Variants in CDC25B observed in about 807,000 individuals in gnomAD.
CDC25B encodes the protein cell division cycle 25B.
A neutral mutation model predicts 69.8 loss-of-function variants in CDC25B; 33 were observed. The ratio of observed to expected loss-of-function variants is 0.47; its 90% CI spans 0.36 to 0.63. The LOEUF is 0.63. CDC25B is among the 30% of genes least tolerant of loss of function. The probability of loss-of-function intolerance (pLI) is 0.00; values close to 1 mark genes in which losing one functional copy is unlikely to be tolerated. For synonymous variants in CDC25B, 341 were observed against 314.6 expected, an observed-to-expected ratio of 1.08 and a Z score of -0.89; for missense variants, 727 against 809.1, an observed-to-expected ratio of 0.90 and a Z score of 1.23.
In CDC25B at chr20:3,801,327, C is replaced by T; in HGVS notation, c.779C>T (p.Pro260Leu). ...GCCCTAGGTCGCTTCTCTCTGACCC[C>T]TGCAGAGGGGGATACTGAGGAAGAT... is the stretch of plus-strand genomic sequence containing the variant. The part of the protein sequence containing the change: ...PLALGRFSLT[P>L]AEGDTEEDDG... Residue 260 changes from proline (P) to leucine (L), a missense_variant, in exon 8 of 16, where the codon CCT (proline) becomes CTT (leucine). By Grantham distance (98) the Pro-to-Leu change is moderately conservative (BLOSUM62 -3). This residue lies in a region of CDC25B where 359 missense variants were observed against 463.4 expected (regional missense o/e 0.77). Coordinates refer to ENST00000245960, the MANE Select transcript of CDC25B (RefSeq NM_021873.4). The T allele has an allele frequency of 6.2e-7, 1 of 1,614,096 alleles. No homozygotes were observed. Among genetic ancestry groups the T allele is most frequent in the East Asian group, 2.2e-5 (1 of 44,888 alleles).
At chr20:3,801,425 A>T in intron 8 of CDC25B, 37 bp downstream of exon 8, 6 of 1,557,570 alleles carry the variant, frequency 3.9e-6, no homozygotes, top group Non-Finnish European at 5.2e-6. Flanking sequence ...CTACCTTCCT[A>T]TCCCTGGGTT....
intron 5 of CDC25B, 50 bp downstream of exon 5, chr20:3,800,548 G>T: frequency 6.2e-7 from 1 of 1,605,394 alleles, no homozygotes; most frequent in South Asian, 1.1e-5. Flanking sequence ...AGCCAGGCAT[G>T]GGGTAGATGA....
At chr20:3,790,539 G>A (rs970038489) in intron 1 of CDC25B, among the ~76,000 whole-genome samples, 4 of 149,740 alleles carry the variant, frequency 2.7e-5, no homozygotes, top group Non-Finnish European at 4.4e-5. Context: ...TTAACATCTC[G>A]GGCTGGGCAC....
upstream of CDC25B, chr20:3,796,175 C>G: frequency 8.6e-7 from 1 of 1,156,336 alleles, no homozygotes; most frequent in Non-Finnish European, 1.1e-6. Flanking sequence ...GAAATCCAGC[C>G]TCCGCGCCTC....
chr20:3,794,475 T>A (rs1229085520), upstream of CDC25B, among the ~76,000 whole-genome samples: 1 of 147,562 alleles, frequency 6.8e-6, no homozygotes, highest in African/African-American at 2.5e-5. Context: ...GTGGGGGGGA[T>A]ACCTGTTGTG....
chr20:3,792,931 A>G (rs926736239), upstream of CDC25B, among the ~76,000 whole-genome samples: 1 of 152,266 alleles, frequency 6.6e-6, no homozygotes, highest in African/African-American at 2.4e-5. Flanking sequence ...GGTGTGAGCC[A>G]CAGTGCCAGC....
chr20:3,797,833 A>G, intron 2 of CDC25B, 84 bp downstream of exon 2: 1 of 1,536,198 alleles, frequency 6.5e-7, no homozygotes, highest in Non-Finnish European at 8.9e-7. Flanking sequence ...TTCCCTGCCG[A>G]TCAAACTAAC....
At position 3,803,517 on chromosome 20, in the gene CDC25B, A is replaced by T. The variant is rs1294576063; in HGVS notation, c.1470A>T (p.Ser490=). ...TCCTCATTTTCCACTGTGAATTCTC[A>T]TCTGAGCGTGGGCCCCGCATGTGAG... The part of the protein sequence containing the change: ...RVILIFHCEF[S]SERGPRMCRF... Residue 490 remains serine, a synonymous_variant, in exon 14 of 16, where the codon TCA becomes TCT. Coordinates refer to ENST00000245960, the MANE Select transcript of CDC25B (RefSeq NM_021873.4). The surrounding 1 kb of genome is among the most constrained non-coding windows in gnomAD (Gnocchi z 4.9). 1 of 1,612,014 alleles carries T rather than the reference A, an allele frequency of 6.2e-7. No individual in the cohort carries two copies. The highest frequency in any genetic ancestry group is 2.2e-5 in the East Asian group (1 of 44,808).
At position 3,796,418 on chromosome 20, in the gene CDC25B, T is replaced by TCCCCCCCCCCCCCCCCC. The variant is rs1217802585; in HGVS notation, c.-102_-101insCCCCCCCCCCCCCCCCC. 6 of 152,060 alleles carry TCCCCCCCCCCCCCCCCC rather than the reference T, an allele frequency of 3.9e-5. No homozygotes were observed. The highest frequency in any genetic ancestry group is 4.6e-4 in the Admixed American group (1 of 2,162). 9.4% of individuals were successfully genotyped at this position (152,060 alleles called of 1,614,324 possible). On this transcript the variant is annotated 5_prime_UTR_variant, in exon 1 of 16. Transcript: ENST00000245960. ...CTGTGGCTCTTCCTCCCTCCCTCCT[T>TCCCCCCCCCCCCCCCCC]CCCCCCCCCCCCACCCCTCGCCCGC... is the stretch of plus-strand genomic sequence containing the variant.
In CDC25B at chr20:3,787,887, C is replaced by A. The variant is rs545253451; in HGVS notation, c.8+748C>A. On this transcript the variant is annotated intron_variant, in intron 1 of 15. Coordinates refer to the CDC25B transcript ENST00000344256. The stretch of plus-strand genomic sequence containing the variant: ...CAGTGGCTCACGTCTGTAATCCCAG[C>A]ACTTTAGGAGGCCGAAGCAGGCGGG... Among the ~76,000 whole-genome samples the A allele has an allele frequency of 3.3e-5, 5 of 152,264 alleles. No homozygotes were observed. In the South Asian group the frequency reaches 6.2e-4, roughly 19 times the overall value.
At chr20:3,790,573 G>A (rs1600375066) in intron 1 of CDC25B, among the ~76,000 whole-genome samples, 1 of 150,440 alleles carries the variant, frequency 6.6e-6, no homozygotes. Flanking sequence ...TGTAATCCCA[G>A]CATTTTGGGA....
upstream of CDC25B, among the ~76,000 whole-genome samples, chr20:3,792,584 C>G (rs1251418563): frequency 1.3e-5 from 2 of 152,240 alleles, no homozygotes; most frequent in Admixed American, 6.5e-5. Context: ...TCTCCTGCCT[C>G]AGCCTCCCGA....
intron 1 of CDC25B, among the ~76,000 whole-genome samples, chr20:3,790,248 A>G (rs116672777): frequency 0.019 from 2,851 of 151,842 alleles, 95 homozygotes; most frequent in African/African-American, 0.065. Flanking sequence ...AACCTGGGTG[A>G]CAGAGTGAGA....
chr20:3,795,880 G>T (rs2089017776), upstream of CDC25B: 9 of 985,586 alleles, frequency 9.1e-6, no homozygotes, highest in Non-Finnish European at 1.1e-5. Flanking sequence ...CAGCGTCCAG[G>T]TCTGTAAAAT....
chr20:3,792,756 G>T (rs1331163829), upstream of CDC25B, among the ~76,000 whole-genome samples: 1 of 152,146 alleles, frequency 6.6e-6, no homozygotes, highest in Non-Finnish European at 1.5e-5. Context: ...GTGAGCCACC[G>T]TGCCCAGCGA....
At position 3,796,460 on chromosome 20, in the gene CDC25B, G is replaced by GCC; in HGVS notation, c.-71_-70dup. 4.1e-6 allele frequency: 5 copies of GCC among 1,230,346 alleles called. No homozygotes were observed. The highest frequency in any genetic ancestry group is 5.1e-6 in the Non-Finnish European group (5 of 986,082). The allele number at this position is 1,230,346 out of a possible 1,614,324, so 76.2% of individuals were successfully genotyped here. ...CTCGCCCGCTGCCTCCCTCGGCCCAGCCAGCTGTGCCGGCGTTTGTTGGCT... is the reference window on the plus strand; with the variant it reads ...CTCGCCCGCTGCCTCCCTCGGCCCAGCCCCAGCTGTGCCGGCGTTTGTTGGCT... On this transcript the variant is annotated 5_prime_UTR_variant, in exon 1 of 16. Transcript: ENST00000245960.
At chr20:3,797,537 A>G (rs1278141626) in intron 1 of CDC25B, 85 bp from the exon 2 acceptor site, 3 of 1,527,720 alleles carry the variant, frequency 2.0e-6, no homozygotes, top group African/African-American at 1.4e-5. Context: ...TTCTTTTCTC[A>G]GCAAGGGAGT....
chr20:3,793,762 A>C (rs1600380185), upstream of CDC25B, among the ~76,000 whole-genome samples: 1 of 84,618 alleles, frequency 1.2e-5, no homozygotes, highest in Non-Finnish European at 2.1e-5. Flanking sequence ...CCCCCACCCC[A>C]CAACAGTCCC....
intron 14 of CDC25B, among the ~76,000 whole-genome samples, chr20:3,804,003 C>G (rs976875614): frequency 1.3e-5 from 2 of 152,210 alleles, no homozygotes; most frequent in African/African-American, 4.8e-5. Flanking sequence ...CCTGGGTTGC[C>G]ACTGGTCCAT....
Sources: allele counts gnomAD v4.1 joint callset (sites outside exome capture counted in the v4.1 genomes callset), GRCh38; gene constraint gnomAD v4.1.1; regional missense constraint gnomAD v4.1.1; non-coding constraint Gnocchi (gnomAD v3.1); transcripts MANE v1.5; gene names NCBI Gene and HGNC (gene_info 2026-07-23, HGNC 2026-07-21).